Variants in DCX observed in about 807,000 individuals in gnomAD.
DCX encodes doublecortin.
Under a neutral mutation model 20.9 loss-of-function variants are expected in DCX, and 4 were observed. The ratio of observed to expected loss-of-function variants is 0.19; its 90% CI spans 0.09 to 0.44. DCX has a LOEUF of 0.44. Among genes scored for constraint, DCX ranks in the 20% least tolerant of loss-of-function variants. The pLI, the probability that DCX is intolerant of heterozygous loss-of-function variation, is 0.99. For synonymous variants in DCX, 103 were observed against 111.4 expected, an observed-to-expected ratio of 0.92 and a Z score of 0.47; for missense variants, 133 against 296.9, an observed-to-expected ratio of 0.45 and a Z score of 4.06.
chrX:111,311,052 G>T (rs968559008), intron 6 of DCX, among the ~76,000 whole-genome samples: 1 of 112,429 alleles, frequency 8.9e-6, no homozygotes, highest in Non-Finnish European at 1.9e-5. Flanking sequence ...GGGCAGAAAG[G>T]CATATAGGAG....
intron 3 of DCX, among the ~76,000 whole-genome samples, chrX:111,377,843 C>T (rs1443677239): frequency 1.8e-5 from 2 of 111,047 alleles, no homozygotes; most frequent in African/African-American, 6.6e-5. Flanking sequence ...TCTCTCTCTC[C>T]TTCCACTAGA....
intron 3 of DCX, among the ~76,000 whole-genome samples, chrX:111,378,520 A>T (rs1925717754): frequency 9.0e-6 from 1 of 111,598 alleles, no homozygotes; most frequent in South Asian, 3.8e-4. Context: ...TATATAATCA[A>T]ATAATATTCT....
At chrX:111,317,456 C>G (rs768911931) in intron 5 of DCX, among the ~76,000 whole-genome samples, 3 of 109,962 alleles carry the variant, frequency 2.7e-5, no homozygotes, top group African/African-American at 9.9e-5. Flanking sequence ...AATGAAAAAC[C>G]CTGGAAGATA....
chrX:111,373,338 G>A (rs1426070523), intron 3 of DCX, among the ~76,000 whole-genome samples: 1 of 111,925 alleles, frequency 8.9e-6, no homozygotes, highest in Non-Finnish European at 1.9e-5. Context: ...CCTGGTCCCT[G>A]ATTCCACAGA....
intron 1 of DCX, chrX:111,410,652 GT>G: frequency 1.1e-6 from 1 of 935,633 alleles, no homozygotes; most frequent in Non-Finnish European, 1.5e-6. Context: ...GCTGGTGGTT[GT>G]GGGGGTTGGG....
chrX:111,391,176 A>G (rs1926922972), intron 3 of DCX, among the ~76,000 whole-genome samples: 1 of 110,390 alleles, frequency 9.1e-6, no homozygotes, highest in African/African-American at 3.3e-5. Context: ...GATTTTTCCC[A>G]TGCTTTTCTC....
chrX:111,398,983 G>A (rs763861334), intron 3 of DCX, among the ~76,000 whole-genome samples: 64 of 110,509 alleles, frequency 5.8e-4, no homozygotes, highest in Admixed American at 1.6e-3. Context: ...GTATTGCAGC[G>A]TGCGTCTGTA....
chrX:111,361,763 G>T (rs1043265646), intron 3 of DCX, among the ~76,000 whole-genome samples: 1 of 112,149 alleles, frequency 8.9e-6, no homozygotes, highest in Non-Finnish European at 1.9e-5. Flanking sequence ...TTAATCTAGG[G>T]TTTACCCTTA....
intron 6 of DCX, among the ~76,000 whole-genome samples, chrX:111,303,174 G>A (rs766299099): frequency 1.7e-4 from 18 of 107,096 alleles, no homozygotes; most frequent in Admixed American, 1.3e-3. Flanking sequence ...TGCAACCTCC[G>A]CCTCCTGGGC....
At chrX:111,399,835 C>T (rs1927631149) in intron 3 of DCX, among the ~76,000 whole-genome samples, 1 of 111,573 alleles carries the variant, frequency 9.0e-6, no homozygotes. Flanking sequence ...CAGGTATAAC[C>T]AATGTGTCCA....
At chrX:111,353,689 T>TG (rs1837606938) in intron 3 of DCX, among the ~76,000 whole-genome samples, 1 of 111,505 alleles carries the variant, frequency 9.0e-6, no homozygotes, top group African/African-American at 3.3e-5. Flanking sequence ...TCAAGGAAGT[T>TG]GTCTTAATTC....
At chrX:111,382,706 T>TA (rs1389959989) in intron 3 of DCX, among the ~76,000 whole-genome samples, 1 of 111,134 alleles carries the variant, frequency 9.0e-6, no homozygotes, top group Non-Finnish European at 1.9e-5. Flanking sequence ...CTAACACACA[T>TA]AAAAAAATAA....
At chrX:111,361,694 G>C (rs2090970376) in intron 3 of DCX, among the ~76,000 whole-genome samples, 1 of 111,989 alleles carries the variant, frequency 8.9e-6, no homozygotes, top group Admixed American at 9.5e-5. Flanking sequence ...CTCTATAACT[G>C]GCTTTAAATC....
intron 3 of DCX, among the ~76,000 whole-genome samples, chrX:111,393,265 C>T (rs1927082172): frequency 9.1e-6 from 1 of 110,465 alleles, no homozygotes. Context: ...CTAGAAAAAT[C>T]AGATATCTAT....
chrX:111,318,231 T>C (rs2095078193), intron 5 of DCX, among the ~76,000 whole-genome samples: 1 of 104,769 alleles, frequency 9.5e-6, no homozygotes, highest in Non-Finnish European at 2.0e-5. Context: ...CTGGCAAGGT[T>C]GTAAAGAAAA....
chrX:111,365,167 G>GCCTCCACCTC (rs1686135863), intron 3 of DCX, among the ~76,000 whole-genome samples: 1 of 108,945 alleles, frequency 9.2e-6, no homozygotes, highest in Admixed American at 1.0e-4. Context: ...TGATCCACCT[G>GCCTCCACCTC]CCTCCACCTC....
chrX:111,343,525 T>C (rs1922502411), intron 3 of DCX, among the ~76,000 whole-genome samples: 1 of 109,171 alleles, frequency 9.2e-6, no homozygotes, highest in Admixed American at 9.7e-5. Context: ...GCTGGTACCA[T>C]TATTTCTGAA....
At chrX:111,317,432 G>C (rs367603208) in intron 5 of DCX, among the ~76,000 whole-genome samples, 1 of 110,534 alleles carries the variant, frequency 9.0e-6, no homozygotes, top group Non-Finnish European at 1.9e-5. Flanking sequence ...AACTCAAGGC[G>C]GATCAAAGAC....
chrX:111,386,605 G>T (rs755820755), intron 3 of DCX, among the ~76,000 whole-genome samples: 1 of 111,168 alleles, frequency 9.0e-6, no homozygotes, highest in South Asian at 3.9e-4. Context: ...TCAGGGTGGG[G>T]TGGCTGTTGC....
Sources: allele counts gnomAD v4.1 joint callset (sites outside exome capture counted in the v4.1 genomes callset), GRCh38; gene constraint gnomAD v4.1.1; transcripts MANE v1.5; gene names NCBI Gene and HGNC (gene_info 2026-07-23, HGNC 2026-07-21).